The following ATP8B4 variants were observed in gnomAD, a reference collection of about 807,000 sequenced individuals.
ATP8B4 encodes the protein ATPase phospholipid transporting 8B4 (putative), also known as probable phospholipid-transporting ATPase IM.
Under a neutral mutation model 145.6 loss-of-function variants are expected in ATP8B4, and 133 were observed. The ratio of observed to expected loss-of-function variants is 0.91; its 90% CI spans 0.79 to 1.05. The LOEUF is 1.05. Among genes scored for constraint, ATP8B4 ranks in the 50% least tolerant of loss-of-function variants. The pLI is 0.00. For synonymous variants in ATP8B4, 507 were observed against 492.9 expected (o/e 1.03, Z -0.38); for missense variants, 1,458 against 1,425.2 (o/e 1.02, Z -0.37).
chr15:50,083,791 C>T (rs1405627971), intron 2 of ATP8B4, among the ~76,000 whole-genome samples: 1 of 152,146 alleles, frequency 6.6e-6, no homozygotes. Context: ...TTTACTAGAG[C>T]CAAGGGAAAG....
intron 6 of ATP8B4, among the ~76,000 whole-genome samples, chr15:50,013,014 T>A (rs965294070): frequency 3.3e-5 from 5 of 152,158 alleles, no homozygotes; most frequent in African/African-American, 1.2e-4. Flanking sequence ...GATAAAGACC[T>A]ATAAACAAAT....
At chr15:50,153,934 C>A (rs1051668009) in intron 1 of ATP8B4, among the ~76,000 whole-genome samples, 1 of 152,034 alleles carries the variant, frequency 6.6e-6, no homozygotes, top group Non-Finnish European at 1.5e-5. Context: ...AAGAGAAGAT[C>A]GATACTTTAA....
At chr15:50,007,796 A>G (rs1020072992) in intron 7 of ATP8B4, among the ~76,000 whole-genome samples, 2 of 152,070 alleles carry the variant, frequency 1.3e-5, no homozygotes. Context: ...AGTGATTCCA[A>G]TGGTTCACCA....
At chr15:49,925,053 A>G (rs1181139030) in intron 16 of ATP8B4, among the ~76,000 whole-genome samples, 3 of 152,068 alleles carry the variant, frequency 2.0e-5, no homozygotes, top group African/African-American at 4.8e-5. Context: ...TGGTCTCAGG[A>G]CCTTCTTTAT....
At chr15:50,128,922 G>C (rs1483113674) in intron 1 of ATP8B4, among the ~76,000 whole-genome samples, 1 of 152,086 alleles carries the variant, frequency 6.6e-6, no homozygotes, top group African/African-American at 2.4e-5. Context: ...ACAAAAATTA[G>C]CTGGGCCTGG....
intron 20 of ATP8B4, among the ~76,000 whole-genome samples, chr15:49,913,942 T>C (rs928978375): frequency 6.6e-6 from 1 of 151,802 alleles, no homozygotes; most frequent in African/African-American, 2.4e-5. Context: ...AAAATTATCA[T>C]ACTATGTTAT....
In ATP8B4 at chr15:49,912,275, T is replaced by C. The variant is rs538088485; in HGVS notation, c.2141+4659A>G. ...AAGATGAACAAAGTTAATAAACTTTTAGCTAGACTAACCAAGAAAAAAAGA... is the reference window on the plus strand; with the variant it reads ...AAGATGAACAAAGTTAATAAACTTTCAGCTAGACTAACCAAGAAAAAAAGA... On this transcript the variant is annotated intron_variant, in intron 20 of 27. Transcript: ENST00000284509. Among the ~76,000 whole-genome samples the C allele has an allele frequency of 2.0e-4, 31 of 152,180 alleles. 1 individual carries two copies. The South Asian group carries it at 5.0e-3, about 24-fold the overall frequency.
chr15:50,034,765 G>A (rs1026806416), intron 6 of ATP8B4, among the ~76,000 whole-genome samples: 4 of 152,156 alleles, frequency 2.6e-5, no homozygotes, highest in African/African-American at 9.7e-5. Flanking sequence ...CCAGTTTGAG[G>A]AGCGTGGGAT....
At chr15:50,103,616 A>G (rs1462364052) in intron 2 of ATP8B4, among the ~76,000 whole-genome samples, 1 of 152,140 alleles carries the variant, frequency 6.6e-6, no homozygotes, top group Non-Finnish European at 1.5e-5. Flanking sequence ...ACACATGCTC[A>G]TGGATGGGTA....
intron 13 of ATP8B4, among the ~76,000 whole-genome samples, chr15:49,970,778 T>C (rs138615891): frequency 6.6e-6 from 1 of 152,084 alleles, no homozygotes; most frequent in Non-Finnish European, 1.5e-5. Flanking sequence ...CTACTTTAAA[T>C]TTCATATGGA....
chr15:50,078,148 T>C (rs1162180366), intron 2 of ATP8B4, among the ~76,000 whole-genome samples: 1 of 151,880 alleles, frequency 6.6e-6, no homozygotes, highest in Non-Finnish European at 1.5e-5. Context: ...TGAATATATA[T>C]ACATAGATAT....
chr15:49,901,053 T>C, intron 21 of ATP8B4, 39 bp downstream of exon 21: 1 of 1,598,250 alleles, frequency 6.3e-7, no homozygotes, highest in East Asian at 2.2e-5. Flanking sequence ...ATTATTGCAG[T>C]GAAGAAAAAG....
chr15:50,133,332 A>C (rs2153679112), intron 1 of ATP8B4, among the ~76,000 whole-genome samples: 1 of 152,176 alleles, frequency 6.6e-6, no homozygotes, highest in East Asian at 1.9e-4. Flanking sequence ...TAATCCTAGC[A>C]CTTTGGGAAG....
chr15:50,102,294 T>C (rs1027866617), intron 2 of ATP8B4, among the ~76,000 whole-genome samples: 1 of 149,362 alleles, frequency 6.7e-6, no homozygotes, highest in Non-Finnish European at 1.5e-5. Context: ...AAAAGACAAA[T>C]GAAACAAAAA....
intron 6 of ATP8B4, 22 bp from the exon 7 acceptor site, chr15:50,010,939 A>C: frequency 6.8e-7 from 1 of 1,461,310 alleles, no homozygotes; most frequent in Non-Finnish European, 9.3e-7. Context: ...AATAAAATTA[A>C]TTTTCTTCAA....
intron 15 of ATP8B4, among the ~76,000 whole-genome samples, chr15:49,932,452 A>G (rs977177884): frequency 5.9e-5 from 9 of 152,090 alleles, no homozygotes; most frequent in Non-Finnish European, 1.2e-4. Context: ...GAAAAAACTT[A>G]AAGCAATTAC....
intron 27 of ATP8B4, among the ~76,000 whole-genome samples, chr15:49,861,479 TAC>T (rs1566884819): frequency 2.9e-4 from 44 of 151,858 alleles, no homozygotes; most frequent in African/African-American, 7.0e-4. Context: ...TCTATCTACC[TAC>T]CTACCTACCT....
At chr15:49,931,629 T>C (rs2041267927) in intron 15 of ATP8B4, among the ~76,000 whole-genome samples, 1 of 152,104 alleles carries the variant, frequency 6.6e-6, no homozygotes, top group African/African-American at 2.4e-5. Flanking sequence ...AGATGTGCCA[T>C]GAATGTTTTG....
At chr15:49,906,119 T>C (rs1311430776) in intron 20 of ATP8B4, among the ~76,000 whole-genome samples, 1 of 152,206 alleles carries the variant, frequency 6.6e-6, no homozygotes, top group African/African-American at 2.4e-5. Context: ...GAGTGTTCCA[T>C]TGCATGTATA....
Sources: gnomAD v4.1 joint callset for allele counts (sites outside exome capture counted in the v4.1 genomes callset) on GRCh38, gnomAD v4.1.1 for gene constraint, MANE v1.5 for transcripts, NCBI Gene and HGNC (gene_info 2026-07-23, HGNC 2026-07-21) for gene names.